Variants in FRMD6 observed in about 807,000 individuals in gnomAD.
FRMD6 encodes the protein FERM domain-containing protein 6.
A neutral mutation model predicts 73.2 loss-of-function variants in FRMD6; 37 were observed. That is an observed-to-expected ratio of 0.51 (90% CI 0.39 to 0.66). FRMD6 has a LOEUF of 0.66. Ranked by LOEUF, FRMD6 falls within the 30% of genes least tolerant of loss-of-function variation. The pLI is 0.00. For synonymous variants in FRMD6, 273 were observed against 282.2 expected, an observed-to-expected ratio of 0.97 and a Z score of 0.33; for missense variants, 714 against 780.5, an observed-to-expected ratio of 0.91 and a Z score of 1.02.
intron 1 of FRMD6, among the ~76,000 whole-genome samples, chr14:51,530,805 A>G (rs1885539039): frequency 6.6e-6 from 1 of 152,222 alleles, no homozygotes; most frequent in South Asian, 2.1e-4. Context: ...TTTATTAATT[A>G]GAAAAGGACA....
chr14:51,586,906 G>A (rs1889082095), intron 2 of FRMD6, among the ~76,000 whole-genome samples: 1 of 152,046 alleles, frequency 6.6e-6, no homozygotes, highest in Non-Finnish European at 1.5e-5. Context: ...ACCACACTCA[G>A]CTAATTTTTT....
the FRMD6 span, among the ~76,000 whole-genome samples, chr14:51,433,406 C>T: frequency 6.6e-6 from 1 of 151,960 alleles, no homozygotes; most frequent in Non-Finnish European, 1.5e-5. Context: ...AGTGATTTTC[C>T]CGGACATACT....
the FRMD6 span, among the ~76,000 whole-genome samples, chr14:51,467,789 C>A: frequency 2.1e-5 from 3 of 144,592 alleles, no homozygotes; most frequent in Non-Finnish European, 4.5e-5. Flanking sequence ...CAGGAAGAGG[C>A]GCTCCTCACT....
chr14:51,424,611 G>T, the FRMD6 span, among the ~76,000 whole-genome samples: 2 of 152,130 alleles, frequency 1.3e-5, no homozygotes, highest in Non-Finnish European at 2.9e-5. Flanking sequence ...GTGGCTTTTG[G>T]TACATCCCCC....
At chr14:51,432,862 G>A in the FRMD6 span, among the ~76,000 whole-genome samples, 1 of 152,124 alleles carries the variant, frequency 6.6e-6, no homozygotes, top group East Asian at 1.9e-4. Flanking sequence ...GGCCTATCCT[G>A]GGAGCCAGAT....
intron 1 of FRMD6, among the ~76,000 whole-genome samples, chr14:51,569,938 C>A (rs1034874528): frequency 1.3e-5 from 2 of 151,846 alleles, no homozygotes; most frequent in East Asian, 1.9e-4. Context: ...GCCTCAGCCT[C>A]CCGAGTAGCT....
chr14:51,626,335 T>C (rs1368680460), intron 2 of FRMD6, among the ~76,000 whole-genome samples: 1 of 152,134 alleles, frequency 6.6e-6, no homozygotes, highest in East Asian at 1.9e-4. Context: ...AAGATAAATA[T>C]TTGTTCAAGA....
intron 1 of FRMD6, among the ~76,000 whole-genome samples, chr14:51,499,432 TTGTGTTAAG>T (rs1224713568): frequency 6.6e-6 from 1 of 152,258 alleles, no homozygotes; most frequent in Non-Finnish European, 1.5e-5. Context: ...TTCAGAACTT[TTGTGTTAAG>T]TGTGAGACAT....
At chr14:51,487,337 A>G (rs766674017), upstream of FRMD6, among the ~76,000 whole-genome samples, 1 of 152,232 alleles carries the variant, frequency 6.6e-6, no homozygotes, top group Non-Finnish European at 1.5e-5. Flanking sequence ...TCAGTAAAAT[A>G]CAAAATCAAC....
At chr14:51,668,992 A>G (rs1377724202) in intron 1 of FRMD6, among the ~76,000 whole-genome samples, 2 of 152,226 alleles carry the variant, frequency 1.3e-5, no homozygotes, top group African/African-American at 4.8e-5. Context: ...TAAATGATGA[A>G]TCATATGCAA....
intron 2 of FRMD6, among the ~76,000 whole-genome samples, chr14:51,577,370 T>C (rs2139634920): frequency 6.6e-6 from 1 of 152,272 alleles, no homozygotes; most frequent in Admixed American, 6.5e-5. Flanking sequence ...TCAACCGTGT[T>C]TCATCTCCAG....
intron 1 of FRMD6, among the ~76,000 whole-genome samples, chr14:51,683,370 C>A (rs942450968): frequency 6.6e-6 from 1 of 152,176 alleles, no homozygotes; most frequent in Admixed American, 6.5e-5. Context: ...GAGCCCATCT[C>A]CTGGGCTCAA....
chr14:51,577,738 T>C (rs1888484756), intron 2 of FRMD6, among the ~76,000 whole-genome samples: 1 of 152,196 alleles, frequency 6.6e-6, no homozygotes, highest in African/African-American at 2.4e-5. Flanking sequence ...ATACTCACTG[T>C]GTATATAGGC....
At chr14:51,618,178 C>G (rs893776789) in intron 2 of FRMD6, among the ~76,000 whole-genome samples, 11 of 152,238 alleles carry the variant, frequency 7.2e-5, no homozygotes, top group Middle Eastern at 3.4e-3. Flanking sequence ...TTGCCTTAGT[C>G]TGGGTGTAAA....
intron 2 of FRMD6, among the ~76,000 whole-genome samples, chr14:51,588,294 C>T (rs935960786): frequency 2.6e-5 from 4 of 151,316 alleles, no homozygotes; most frequent in Non-Finnish European, 4.4e-5. Flanking sequence ...TATTATTATA[C>T]TTTAAGTTTT....
chr14:51,644,413 TCC>T (rs1268879348), intron 2 of FRMD6, among the ~76,000 whole-genome samples: 1 of 149,404 alleles, frequency 6.7e-6, no homozygotes, highest in Non-Finnish European at 1.5e-5. Flanking sequence ...TCTCTCTCTC[TCC>T]CTCCCTGATC....
intron 1 of FRMD6, among the ~76,000 whole-genome samples, chr14:51,556,236 A>G (rs1192095143): frequency 6.6e-6 from 1 of 152,242 alleles, no homozygotes; most frequent in Non-Finnish European, 1.5e-5. Flanking sequence ...CTACCCACAG[A>G]CATCAATGGT....
the FRMD6 span, among the ~76,000 whole-genome samples, chr14:51,467,015 A>C: frequency 6.6e-6 from 1 of 150,848 alleles, no homozygotes; most frequent in East Asian, 1.9e-4. Context: ...TTTCTCGTAG[A>C]GGGGGATTTG....
chr14:51,624,854 T>C (rs1347038609), intron 2 of FRMD6, among the ~76,000 whole-genome samples: 1 of 152,194 alleles, frequency 6.6e-6, no homozygotes, highest in Non-Finnish European at 1.5e-5. Flanking sequence ...GAAAAATGTG[T>C]CTGGAAGAGT....
Sources: allele counts gnomAD v4.1 joint callset (sites outside exome capture counted in the v4.1 genomes callset), GRCh38; gene constraint gnomAD v4.1.1; transcripts MANE v1.5; gene names NCBI Gene and HGNC (gene_info 2026-07-23, HGNC 2026-07-21).